TLK1: variants seen among roughly 807,000 people sequenced by gnomAD.
The protein encoded by TLK1 is tousled like kinase 1.
A neutral mutation model predicts 105.3 loss-of-function variants in TLK1; 24 were observed. That is an observed-to-expected ratio of 0.23 (90% CI 0.17 to 0.32). The LOEUF (loss-of-function observed/expected upper bound fraction) is 0.32, where lower values mean the gene tolerates loss of function less well. Ranked by LOEUF, TLK1 falls within the 10% of genes least tolerant of loss-of-function variation. The pLI, the probability that TLK1 is intolerant of heterozygous loss-of-function variation, is 1.00. For missense variants in TLK1, 558 were observed against 910.5 expected (o/e 0.61, Z 4.98); for synonymous variants, 321 against 310.4 (o/e 1.03, Z -0.36).
intron 3 of TLK1, among the ~76,000 whole-genome samples, chr2:171,078,307 A>C (rs1247342983): frequency 6.6e-6 from 1 of 152,198 alleles, no homozygotes; most frequent in Non-Finnish European, 1.5e-5. Flanking sequence ...TGGAAGGCCA[A>C]GGCAGGCAGA....
chr2:171,029,259 A>G lies in TLK1; in HGVS notation c.1170-854T>C, dbSNP rs1340142727. 2.0e-5 allele frequency among the ~76,000 whole-genome samples: 3 copies of G among 152,214 alleles called. No homozygotes were observed. In the South Asian group the frequency reaches 6.2e-4, roughly 32 times the overall value. On this transcript the variant is annotated intron_variant, in intron 11 of 20. Coordinates refer to ENST00000431350, the MANE Select transcript of TLK1 (RefSeq NM_012290.5). The stretch of plus-strand genomic sequence containing the variant: ...GTTTTTAAAAAGAGGAAAAAAACAA[A>G]GACATTTTTCCTTTCCCTGCTTCAG...
intron 7 of TLK1, chr2:171,054,873 AC>A (rs1687420950): frequency 2.9e-6 from 1 of 344,728 alleles, no homozygotes; most frequent in Admixed American, 4.8e-5. Flanking sequence ...TGACATGTTA[AC>A]GGTTGTTTAA....
intron 1 of TLK1, among the ~76,000 whole-genome samples, chr2:171,198,360 T>G (rs189512360): frequency 6.6e-6 from 1 of 152,316 alleles, no homozygotes; most frequent in African/African-American, 2.4e-5. Flanking sequence ...GAGGCATCAT[T>G]TAAGAAACAG....
chr2:171,195,375 C>G (rs1054130494), intron 1 of TLK1, among the ~76,000 whole-genome samples: 2 of 151,710 alleles, frequency 1.3e-5, no homozygotes, highest in Non-Finnish European at 2.9e-5. Context: ...TGGTGGTGGG[C>G]GCCTGTAGTC....
chr2:171,071,725 A>G (rs1480002366), intron 3 of TLK1, among the ~76,000 whole-genome samples: 1 of 152,186 alleles, frequency 6.6e-6, no homozygotes, highest in Non-Finnish European at 1.5e-5. Flanking sequence ...TTTAGATTTC[A>G]GTCTTTAACC....
chr2:171,118,462 G>T (rs1690523429), intron 1 of TLK1, among the ~76,000 whole-genome samples: 1 of 151,990 alleles, frequency 6.6e-6, no homozygotes, highest in Admixed American at 6.6e-5. Flanking sequence ...AAGATTTTTT[G>T]TACGGTTGAT....
chr2:171,040,859 G>A (rs762494283), intron 11 of TLK1, among the ~76,000 whole-genome samples: 1 of 152,002 alleles, frequency 6.6e-6, no homozygotes, highest in Non-Finnish European at 1.5e-5. Flanking sequence ...TTACAGGCCT[G>A]AGCCACCACG....
At chr2:171,124,969 T>C (rs987394344) in intron 1 of TLK1, among the ~76,000 whole-genome samples, 1 of 152,252 alleles carries the variant, frequency 6.6e-6, no homozygotes, top group Non-Finnish European at 1.5e-5. Context: ...CCTTGTTTTT[T>C]AATTGACTAG....
At chr2:171,222,520 C>A (rs4667678) in intron 1 of TLK1, among the ~76,000 whole-genome samples, 4 of 151,646 alleles carry the variant, frequency 2.6e-5, no homozygotes, top group African/African-American at 9.7e-5. Context: ...TTTGTAGAGA[C>A]AGGGTTTTGC....
intron 3 of TLK1, among the ~76,000 whole-genome samples, chr2:171,072,381 AG>A (rs1197451063): frequency 6.6e-6 from 1 of 152,186 alleles, no homozygotes; most frequent in African/African-American, 2.4e-5. Flanking sequence ...TGAGAGGCCA[AG>A]GGGGGCGGAT....
At chr2:171,045,926 G>A (rs1433508842) in intron 11 of TLK1, 2 of 364,780 alleles carry the variant, frequency 5.5e-6, no homozygotes, top group East Asian at 8.3e-5. Flanking sequence ...GACACAGAAG[G>A]GTGAATTCTG....
chr2:171,128,806 G>A (rs1461445976), intron 1 of TLK1, among the ~76,000 whole-genome samples: 1 of 151,996 alleles, frequency 6.6e-6, no homozygotes, highest in Non-Finnish European at 1.5e-5. Context: ...ACATATAGAT[G>A]TATTTTATAC....
intron 1 of TLK1, among the ~76,000 whole-genome samples, chr2:171,177,426 A>T (rs1010684773): frequency 6.6e-6 from 1 of 152,092 alleles, no homozygotes; most frequent in Non-Finnish European, 1.5e-5. Flanking sequence ...TACAGGCATT[A>T]GCCACCTCAT....
chr2:171,026,536 A>G (rs1206012900), intron 12 of TLK1, among the ~76,000 whole-genome samples: 6 of 152,196 alleles, frequency 3.9e-5, no homozygotes, highest in Non-Finnish European at 7.4e-5. Context: ...ATCATTTAGA[A>G]AGAGTAATCT....
intron 1 of TLK1, among the ~76,000 whole-genome samples, chr2:171,132,132 G>T (rs1390624764): frequency 6.6e-6 from 1 of 152,168 alleles, no homozygotes; most frequent in Non-Finnish European, 1.5e-5. Context: ...TTGACTCACA[G>T]TTCTTCATGG....
At chr2:171,085,526 C>T (rs757176452) in intron 2 of TLK1, among the ~76,000 whole-genome samples, 4 of 151,938 alleles carry the variant, frequency 2.6e-5, no homozygotes, top group African/African-American at 4.8e-5. Flanking sequence ...GAATAACAAC[C>T]CAGAAAGCGA....
chr2:171,149,104 T>C (rs1254546393), intron 1 of TLK1, among the ~76,000 whole-genome samples: 19 of 139,154 alleles, frequency 1.4e-4, no homozygotes, highest in African/African-American at 3.1e-4. Flanking sequence ...CTTTTCTTTT[T>C]TTTTTTTTTT....
intron 12 of TLK1, among the ~76,000 whole-genome samples, chr2:171,022,086 A>AAAACAC (rs1553605634): frequency 1.9e-5 from 2 of 103,010 alleles, no homozygotes; most frequent in African/African-American, 3.0e-5. Flanking sequence ...CTGGGCGAAA[A>AAAACAC]ACACACACAC....
intron 1 of TLK1, among the ~76,000 whole-genome samples, chr2:171,118,316 G>T (rs2105531610): frequency 6.6e-6 from 1 of 152,196 alleles, no homozygotes; most frequent in Non-Finnish European, 1.5e-5. Flanking sequence ...CTCTCCTAAT[G>T]TAATCTCCCT....
Sources: gnomAD v4.1 joint callset for allele counts (sites outside exome capture counted in the v4.1 genomes callset) on GRCh38, gnomAD v4.1.1 for gene constraint, MANE v1.5 for transcripts, NCBI Gene and HGNC (gene_info 2026-07-23, HGNC 2026-07-21) for gene names.